CORIN: variants seen among roughly 807,000 people sequenced by gnomAD.
CORIN encodes the protein corin, serine peptidase.
CORIN carries 117 observed loss-of-function variants against 125.3 expected under a neutral mutation model. The observed-to-expected ratio is 0.93, with a 90% CI of 0.80 to 1.09. The LOEUF is 1.09. CORIN is among the 50% of genes least tolerant of loss of function. CORIN has a pLI of 0.00. For missense variants in CORIN, 1,253 were observed against 1,306.7 expected (o/e 0.96, Z 0.63); for synonymous variants, 450 against 466.4 (o/e 0.96, Z 0.45).
At chr4:47,768,151 C>A (rs914687409) in intron 3 of CORIN, among the ~76,000 whole-genome samples, 1 of 152,174 alleles carries the variant, frequency 6.6e-6, no homozygotes, top group Non-Finnish European at 1.5e-5. Flanking sequence ...GAGAACAACC[C>A]CTTTGACTGT....
intron 21 of CORIN, among the ~76,000 whole-genome samples, chr4:47,596,632 C>G (rs867004667): frequency 1.3e-5 from 2 of 152,076 alleles, no homozygotes; most frequent in Non-Finnish European, 2.9e-5. Context: ...CTTGCTACAT[C>G]TGAAAACAAA....
chr4:47,699,487 G>T (rs1046164914), intron 5 of CORIN, among the ~76,000 whole-genome samples: 1 of 152,092 alleles, frequency 6.6e-6, no homozygotes, highest in African/African-American at 2.4e-5. Context: ...TTTGCTGATT[G>T]TCTCTCTCTC....
intron 3 of CORIN, among the ~76,000 whole-genome samples, chr4:47,776,504 T>C (rs1730311610): frequency 6.6e-6 from 1 of 152,252 alleles, no homozygotes; most frequent in South Asian, 2.1e-4. Flanking sequence ...ACATATTATA[T>C]GGTAACATAG....
At chr4:47,620,486 A>C (rs1328675151) in intron 19 of CORIN, among the ~76,000 whole-genome samples, 1 of 152,240 alleles carries the variant, frequency 6.6e-6, no homozygotes, top group Non-Finnish European at 1.5e-5. Context: ...TGTTATTCCA[A>C]ATTGTAAAAG....
rs1477360549 is a variant in CORIN, at chr4:47,634,227, T to C, written c.2198+7693A>G. Among the ~76,000 whole-genome samples, 8 of 152,300 alleles carry C rather than the reference T, an allele frequency of 5.3e-5. No individual in the cohort carries two copies. In the East Asian group the frequency reaches 1.5e-3, roughly 29 times the overall value. ...GAGGGCAAAGGGGATGGCAGCTTGA[T>C]TGGCTTAAAGTAACTTTTCTGCAAG... On this transcript the variant is annotated intron_variant, in intron 16 of 21. Transcript: ENST00000273857.
intron 19 of CORIN, among the ~76,000 whole-genome samples, chr4:47,615,392 A>C (rs2109536104): frequency 6.6e-6 from 1 of 152,342 alleles, no homozygotes; most frequent in African/African-American, 2.4e-5. Flanking sequence ...AAAAAAGCCA[A>C]ATAGGAAACT....
At chr4:47,684,146 T>C (rs1349414636) in intron 6 of CORIN, among the ~76,000 whole-genome samples, 3 of 152,212 alleles carry the variant, frequency 2.0e-5, no homozygotes, top group African/African-American at 7.2e-5. Context: ...CCATCATTCC[T>C]AATGAAGTTC....
rs745859187 is a variant in CORIN, at chr4:47,645,212, G to T, written c.1844-18C>A. The T allele has an allele frequency of 2.9e-6, 4 of 1,390,198 alleles. No individual in the cohort carries two copies. Among genetic ancestry groups the T allele is most frequent in the South Asian group, 2.4e-5 (2 of 82,108 alleles). 86.1% of individuals were successfully genotyped at this position (1,390,198 alleles called of 1,614,324 possible). On this transcript the variant is annotated intron_variant, in intron 13 of 21. Coordinates refer to ENST00000273857, the MANE Select transcript of CORIN (RefSeq NM_006587.4). Reference sequence around the variant, plus strand: ...TTTACAACCTAGAGACAGAAGAAAAGGTTATTTGCAATAGACGTGGAATTG... The same window carrying T: ...TTTACAACCTAGAGACAGAAGAAAATGTTATTTGCAATAGACGTGGAATTG...
intron 1 of CORIN, among the ~76,000 whole-genome samples, chr4:47,815,510 C>T (rs1732227619): frequency 6.6e-6 from 1 of 152,096 alleles, no homozygotes; most frequent in African/African-American, 2.4e-5. Context: ...TGGGAAGAAA[C>T]AGTAGGCTCT....
intron 2 of CORIN, among the ~76,000 whole-genome samples, chr4:47,793,392 C>G (rs1474164995): frequency 6.6e-6 from 1 of 152,102 alleles, no homozygotes; most frequent in East Asian, 1.9e-4. Context: ...CAGCTGAGGA[C>G]AGACAGCTCT....
chr4:47,650,627 G>A (rs1484252590), intron 13 of CORIN, among the ~76,000 whole-genome samples: 1 of 152,124 alleles, frequency 6.6e-6, no homozygotes, highest in Non-Finnish European at 1.5e-5. Context: ...ATTTTCCCAT[G>A]TCTTTCCCTC....
Position 47,749,208 on chromosome 4 carries a change from C to T in CORIN, c.618-4625G>A, listed in dbSNP as rs181126173. Among the ~76,000 whole-genome samples the T allele has an allele frequency of 2.5e-3, 376 of 152,082 alleles. 1 individual carries two copies. Among genetic ancestry groups the T allele is most frequent in the Admixed American group, 7.7e-3 (117 of 15,272 alleles). On this transcript the variant is annotated intron_variant, in intron 4 of 21. Transcript: ENST00000273857. Reference sequence around the variant, plus strand: ...TCCTGGTATTCATGCCCTGTTTAATCCCCTCCTCTGGAGTGTAGGTTGCCT... The same window carrying T: ...TCCTGGTATTCATGCCCTGTTTAATTCCCTCCTCTGGAGTGTAGGTTGCCT...
rs61760490 is a variant in CORIN at position 47,665,815 on chromosome 4, T to C, written c.1358-552A>G. On this transcript the variant is annotated intron_variant, in intron 10 of 21. Transcript: ENST00000273857. ...CTAATAAGACAAAATCCAAACCCCT[T>C]AGCTTGAAGTCTGAGGCTATTTTAT... 4.2e-3 allele frequency among the ~76,000 whole-genome samples: 643 copies of C among 152,316 alleles called. 4 individuals carry two copies. Among genetic ancestry groups the C allele is most frequent in the South Asian group, 0.018 (89 of 4,820 alleles).
intron 2 of CORIN, among the ~76,000 whole-genome samples, chr4:47,799,941 T>A (rs953189742): frequency 6.6e-6 from 1 of 152,222 alleles, no homozygotes; most frequent in Admixed American, 6.5e-5. Flanking sequence ...TATTAATATG[T>A]GCTACAATGT....
Position 47,606,778 on chromosome 4 carries a change from TTC to T in CORIN, c.2541-3112_2541-3111del, listed in dbSNP as rs1294954294. Among the ~76,000 whole-genome samples, 3 of 152,102 alleles carry T rather than the reference TTC, an allele frequency of 2.0e-5. No homozygotes were observed. In the East Asian group the frequency reaches 5.8e-4, roughly 29 times the overall value. On this transcript the variant is annotated intron_variant, in intron 19 of 21. Transcript: ENST00000273857. Reference sequence around the variant, plus strand: ...CTTCCTCCCTTCTCTCCTTTCTTCTTTCTCTCGTTCCTTCCTTTTTCACTAAA... The same window carrying T: ...CTTCCTCCCTTCTCTCCTTTCTTCTTTCTCGTTCCTTCCTTTTTCACTAAA...
chr4:47,725,256 T>C (rs1274515300), intron 5 of CORIN, among the ~76,000 whole-genome samples: 1 of 152,072 alleles, frequency 6.6e-6, no homozygotes, highest in Non-Finnish European at 1.5e-5. Context: ...CTTTTTTTTT[T>C]GTAGACATAG....
chr4:47,791,590 G>A (rs986138066), intron 2 of CORIN, among the ~76,000 whole-genome samples: 1 of 152,184 alleles, frequency 6.6e-6, no homozygotes, highest in Non-Finnish European at 1.5e-5. Flanking sequence ...CAGAGTTTTA[G>A]AGAGATGGAA....
intron 3 of CORIN, among the ~76,000 whole-genome samples, chr4:47,784,904 G>A (rs1047607671): frequency 2.1e-4 from 32 of 152,218 alleles, no homozygotes; most frequent in Admixed American, 2.0e-3. Flanking sequence ...CTGTGAAACA[G>A]TGGAATCCAA....
intron 1 of CORIN, among the ~76,000 whole-genome samples, chr4:47,811,047 T>C (rs1379240111): frequency 6.6e-6 from 1 of 152,150 alleles, no homozygotes; most frequent in African/African-American, 2.4e-5. Flanking sequence ...AACGAAACTC[T>C]CTAGTCTCAT....
Sources: allele counts gnomAD v4.1 joint callset (sites outside exome capture counted in the v4.1 genomes callset), GRCh38; gene constraint gnomAD v4.1.1; transcripts MANE v1.5; gene names NCBI Gene and HGNC (gene_info 2026-07-23, HGNC 2026-07-21).